Variants in CFAP47 observed in about 807,000 individuals in gnomAD.
CFAP47 encodes the protein cilia- and flagella-associated protein 47.
A neutral mutation model predicts 148.1 loss-of-function variants in CFAP47; 29 were observed. That is an observed-to-expected ratio of 0.20 (90% CI 0.15 to 0.27). The LOEUF (loss-of-function observed/expected upper bound fraction) is 0.27. CFAP47 is among the 10% of genes least tolerant of loss of function. CFAP47 has a pLI of 1.00. For missense variants in CFAP47, 1,872 were observed against 1,697.5 expected, an observed-to-expected ratio of 1.10 and a Z score of -1.81; for synonymous variants, 664 against 577.3, an observed-to-expected ratio of 1.15 and a Z score of -2.15.
chrX:36,010,864 A>G (rs977446604), intron 21 of CFAP47, among the ~76,000 whole-genome samples: 2 of 111,606 alleles, frequency 1.8e-5, no homozygotes, highest in Non-Finnish European at 3.8e-5. Context: ...CTTTAGTTCT[A>G]TGAACGTATT....
In CFAP47 at chrX:36,129,973, G is replaced by T. The variant is rs1310416754; in HGVS notation, c.5321-7985G>T. Reference sequence around the variant, plus strand: ...AGGAAAATAAGTAAATGACCCACAAGCACATTAAAAGATGTTCAGCATAAT... The same window carrying T: ...AGGAAAATAAGTAAATGACCCACAATCACATTAAAAGATGTTCAGCATAAT... On this transcript the variant is annotated intron_variant, in intron 33 of 63. Transcript: ENST00000378653. Among the ~76,000 whole-genome samples, 3 of 111,342 alleles carry T rather than the reference G, an allele frequency of 2.7e-5. No individual in the cohort carries two copies. In the Admixed American group the frequency reaches 2.9e-4, roughly 11 times the overall value.
chrX:36,000,748 A>G (rs1462514474), intron 20 of CFAP47, among the ~76,000 whole-genome samples: 1 of 111,859 alleles, frequency 8.9e-6, no homozygotes, highest in Non-Finnish European at 1.9e-5. Context: ...TTAATTGCTC[A>G]ATAATTTTAG....
At chrX:35,986,819 G>C (rs1936722168) in intron 15 of CFAP47, among the ~76,000 whole-genome samples, 2 of 111,199 alleles carry the variant, frequency 1.8e-5, no homozygotes, top group African/African-American at 6.6e-5. Flanking sequence ...TGTTGATGTT[G>C]GTGCTATTGC....
chrX:36,283,056 C>T (rs7062184), intron 50 of CFAP47, among the ~76,000 whole-genome samples: 5,491 of 110,359 alleles, frequency 0.05, 337 homozygotes, highest in African/African-American at 0.17. Context: ...ATTGTATACA[C>T]CCCAGTATAT....
At chrX:36,168,666 A>T (rs899287622) in intron 39 of CFAP47, among the ~76,000 whole-genome samples, 3 of 111,789 alleles carry the variant, frequency 2.7e-5, no homozygotes, top group Admixed American at 1.9e-4. Context: ...GGCTCAAGCT[A>T]TCCTGCCGCC....
At chrX:36,351,328 C>T (rs1941741180) in intron 59 of CFAP47, among the ~76,000 whole-genome samples, 1 of 111,795 alleles carries the variant, frequency 8.9e-6, no homozygotes, top group Admixed American at 9.6e-5. Flanking sequence ...CAGAATATTT[C>T]ACAAACTTGT....
At chrX:36,204,728 A>G (rs1376490753) in intron 44 of CFAP47, among the ~76,000 whole-genome samples, 1 of 111,726 alleles carries the variant, frequency 9.0e-6, no homozygotes, top group African/African-American at 3.3e-5. Context: ...CACTGAAAGC[A>G]TTAGCACGGG....
chrX:35,958,348 C>G (rs769640523), intron 8 of CFAP47, among the ~76,000 whole-genome samples: 5 of 111,574 alleles, frequency 4.5e-5, no homozygotes, highest in African/African-American at 1.6e-4. Context: ...CATTCATGTA[C>G]AACTTTTTGT....
chrX:35,999,439 T>A (rs1601924098), intron 19 of CFAP47, among the ~76,000 whole-genome samples: 1 of 112,339 alleles, frequency 8.9e-6, no homozygotes, highest in South Asian at 3.7e-4. Flanking sequence ...ACAGCTCAGA[T>A]ACACTTAATA....
intron 56 of CFAP47, among the ~76,000 whole-genome samples, chrX:36,317,272 T>C (rs184876741): frequency 6.1e-3 from 677 of 111,381 alleles, no homozygotes; most frequent in African/African-American, 0.021. Context: ...TGTAAGAAAA[T>C]CTCCCAGAAC....
chrX:36,214,073 T>C (rs1555989858), intron 45 of CFAP47, among the ~76,000 whole-genome samples: 1 of 111,202 alleles, frequency 9.0e-6, no homozygotes, highest in East Asian at 2.8e-4. Context: ...AACATCACAG[T>C]GTACTTACAC....
At chrX:35,950,057 G>A (rs1185342024) in intron 4 of CFAP47, among the ~76,000 whole-genome samples, 3 of 111,671 alleles carry the variant, frequency 2.7e-5, no homozygotes, top group African/African-American at 9.8e-5. Context: ...GTTTAAAAAA[G>A]GTCCCAGTCT....
intron 26 of CFAP47, among the ~76,000 whole-genome samples, chrX:36,051,911 AT>A (rs1937521738): frequency 9.0e-6 from 1 of 110,897 alleles, no homozygotes; most frequent in Non-Finnish European, 1.9e-5. Context: ...TGTTCTCATG[AT>A]AGTGAATAAG....
At chrX:36,140,948 A>G (rs958874660) in intron 35 of CFAP47, among the ~76,000 whole-genome samples, 1 of 111,504 alleles carries the variant, frequency 9.0e-6, no homozygotes, top group African/African-American at 3.3e-5. Context: ...CCCTCATGCA[A>G]AGATAGATAA....
At chrX:36,100,563 A>T (rs1938358601) in intron 32 of CFAP47, among the ~76,000 whole-genome samples, 1 of 111,792 alleles carries the variant, frequency 8.9e-6, no homozygotes, top group Admixed American at 9.5e-5. Flanking sequence ...TTTCAAATAT[A>T]GCACTATAGA....
chrX:36,185,407 C>T (rs2146871686), intron 40 of CFAP47, among the ~76,000 whole-genome samples: 1 of 111,058 alleles, frequency 9.0e-6, no homozygotes, highest in South Asian at 3.9e-4. Flanking sequence ...AGGGGAAGCA[C>T]ATTCAGTCTA....
intron 60 of CFAP47, among the ~76,000 whole-genome samples, chrX:36,359,422 C>T (rs1941810067): frequency 8.9e-6 from 1 of 111,928 alleles, no homozygotes; most frequent in Non-Finnish European, 1.9e-5. Flanking sequence ...CCCCTAAATA[C>T]ACTTTATATT....
intron 25 of CFAP47, among the ~76,000 whole-genome samples, chrX:36,040,133 T>C (rs1025905151): frequency 3.6e-5 from 4 of 111,581 alleles, no homozygotes; most frequent in Non-Finnish European, 5.6e-5. Flanking sequence ...AGTGAAATGA[T>C]AGGAAGAGAT....
intron 46 of CFAP47, among the ~76,000 whole-genome samples, chrX:36,235,114 G>T (rs782487526): frequency 6.3e-5 from 7 of 111,562 alleles, no homozygotes; most frequent in Non-Finnish European, 1.3e-4. Context: ...AGATCTCCAG[G>T]TGTGTGCTGG....
Sources: gnomAD v4.1 joint callset for allele counts (sites outside exome capture counted in the v4.1 genomes callset) on GRCh38, gnomAD v4.1.1 for gene constraint, MANE v1.5 for transcripts, NCBI Gene and HGNC (gene_info 2026-07-23, HGNC 2026-07-21) for gene names.